TTC39B: variants seen among roughly 807,000 people sequenced by gnomAD.
TTC39B encodes the protein tetratricopeptide repeat protein 39B.
Under a neutral mutation model 96.6 loss-of-function variants are expected in TTC39B, and 92 were observed. That is an observed-to-expected ratio of 0.95 (90% CI 0.80 to 1.13). The LOEUF (loss-of-function observed/expected upper bound fraction) is 1.13, where lower values mean the gene tolerates loss of function less well. TTC39B is among the 50% of genes most tolerant of loss of function. The pLI is 0.00. For synonymous variants in TTC39B, 367 were observed against 299.4 expected, an observed-to-expected ratio of 1.23 and a Z score of -2.33; for missense variants, 955 against 809.3, an observed-to-expected ratio of 1.18 and a Z score of -2.18.
intron 1 of TTC39B, among the ~76,000 whole-genome samples, chr9:15,284,290 A>G (rs2131588921): frequency 6.6e-6 from 1 of 152,368 alleles, no homozygotes; most frequent in South Asian, 2.1e-4. Context: ...ATAAGCATAT[A>G]CTATCATTAC....
intron 3 of TTC39B, among the ~76,000 whole-genome samples, chr9:15,223,499 T>C (rs999332663): frequency 6.6e-6 from 1 of 152,200 alleles, no homozygotes; most frequent in Non-Finnish European, 1.5e-5. Flanking sequence ...AAATAGCTAG[T>C]TGTGGAATGA....
intron 2 of TTC39B, among the ~76,000 whole-genome samples, chr9:15,258,915 A>G (rs527466503): frequency 6.6e-6 from 1 of 152,290 alleles, no homozygotes; most frequent in East Asian, 1.9e-4. Flanking sequence ...TAGGATCTAT[A>G]TCTTAAAACG....
chr9:15,177,646 T>TC, intron 18 of TTC39B, 51 bp downstream of exon 18: 1 of 1,271,964 alleles, frequency 7.9e-7, no homozygotes, highest in Non-Finnish European at 1.1e-6. Context: ...TCACAGCAAT[T>TC]CCCCAGAAAC....
Position 15,301,454 on chromosome 9 carries a change from G to A in TTC39B, c.240+5630C>T, listed in dbSNP as rs1169529043. On this transcript the variant is annotated intron_variant, in intron 1 of 19. Transcript: ENST00000512701. ...GCCAGGCGTTCAATGAACGTTGGTG[G>A]AATGAAAGAATAAATCTCAGCTGGG... is the stretch of plus-strand genomic sequence containing the variant. Among the ~76,000 whole-genome samples, 4 of 152,288 alleles carry A rather than the reference G, an allele frequency of 2.6e-5. No homozygotes were observed. The South Asian group carries it at 6.2e-4, about 24-fold the overall frequency.
At chr9:15,267,986 T>C (rs1334136313) in intron 1 of TTC39B, 38 bp from the exon 2 acceptor site, 2 of 1,587,738 alleles carry the variant, frequency 1.3e-6, no homozygotes, top group Non-Finnish European at 1.7e-6. Flanking sequence ...TTCTCAAGAA[T>C]TCTCAATGGG....
chr9:15,265,360 T>A (rs928627581), intron 2 of TTC39B, among the ~76,000 whole-genome samples: 13 of 152,290 alleles, frequency 8.5e-5, no homozygotes, highest in African/African-American at 3.1e-4. Flanking sequence ...CGTCCTCCTC[T>A]GTGAGGTCTG....
chr9:15,186,854 C>T (rs1256307031), intron 15 of TTC39B, 90 bp downstream of exon 15: 1 of 1,185,364 alleles, frequency 8.4e-7, no homozygotes, highest in Non-Finnish European at 1.3e-6. Flanking sequence ...TGCCACCAGG[C>T]CCAGCTAATT....
chr9:15,198,620 C>CG (rs1277061368), intron 8 of TTC39B, among the ~76,000 whole-genome samples: 1 of 151,132 alleles, frequency 6.6e-6, no homozygotes, highest in East Asian at 1.9e-4. Flanking sequence ...AGAGCAACCA[C>CG]AAAAAAATTA....
intron 6 of TTC39B, among the ~76,000 whole-genome samples, chr9:15,207,027 C>T (rs1819902308): frequency 6.6e-6 from 1 of 152,160 alleles, no homozygotes; most frequent in African/African-American, 2.4e-5. Flanking sequence ...CAAGTTCCTC[C>T]TACACGCACT....
intron 2 of TTC39B, among the ~76,000 whole-genome samples, chr9:15,236,405 G>C (rs1224802193): frequency 6.6e-6 from 1 of 152,190 alleles, no homozygotes; most frequent in Admixed American, 6.5e-5. Flanking sequence ...GACATCACTA[G>C]ACAGATCATC....
At chr9:15,229,782 T>C (rs995360388) in intron 2 of TTC39B, among the ~76,000 whole-genome samples, 3 of 152,376 alleles carry the variant, frequency 2.0e-5, no homozygotes, top group Middle Eastern at 3.4e-3. Context: ...TTTATTATCA[T>C]GGCTTTCCGA....
chr9:15,256,318 C>A (rs1055938400), intron 2 of TTC39B, among the ~76,000 whole-genome samples: 3 of 152,260 alleles, frequency 2.0e-5, no homozygotes, highest in East Asian at 3.9e-4. Flanking sequence ...TTGGACCTTG[C>A]GGCCTACAAA....
intron 8 of TTC39B, among the ~76,000 whole-genome samples, chr9:15,198,656 C>T (rs114889149): frequency 0.012 from 1,874 of 151,130 alleles, 48 homozygotes; most frequent in African/African-American, 0.043. Flanking sequence ...AACAACAGTT[C>T]TAAAAATGTT....
intron 1 of TTC39B, among the ~76,000 whole-genome samples, chr9:15,305,019 T>C (rs1054087102): frequency 3.3e-5 from 5 of 152,022 alleles, no homozygotes; most frequent in Non-Finnish European, 5.9e-5. Flanking sequence ...CAATATCAAA[T>C]AAAGACTATC....
At chr9:15,187,008 T>C in exon 15 of TTC39B, 2 of 1,613,260 alleles carry the variant, frequency 1.2e-6, no homozygotes, top group African/African-American at 1.3e-5. Context: ...ATACTCAAAA[T>C]TGCTGCTTTC....
At chr9:15,176,508 G>A (rs1817945935) in intron 18 of TTC39B, among the ~76,000 whole-genome samples, 1 of 152,144 alleles carries the variant, frequency 6.6e-6, no homozygotes, top group South Asian at 2.1e-4. Context: ...GGGATCAGGT[G>A]GCCACGGATG....
At chr9:15,265,609 T>A (rs545047547) in intron 2 of TTC39B, among the ~76,000 whole-genome samples, 1 of 152,174 alleles carries the variant, frequency 6.6e-6, no homozygotes, top group Non-Finnish European at 1.5e-5. Flanking sequence ...AAAAATCACA[T>A]AAACAGATTA....
chr9:15,295,854 G>C (rs930859452), intron 1 of TTC39B, among the ~76,000 whole-genome samples: 5 of 152,146 alleles, frequency 3.3e-5, no homozygotes, highest in African/African-American at 1.2e-4. Flanking sequence ...ACCTGGTATG[G>C]GTCAATGAGC....
chr9:15,283,974 T>C (rs897151762), intron 1 of TTC39B, among the ~76,000 whole-genome samples: 1 of 152,074 alleles, frequency 6.6e-6, no homozygotes, highest in African/African-American at 2.4e-5. Context: ...AGTAAAAGAT[T>C]TTGCTACATA....
Sources: gnomAD v4.1 joint callset for allele counts (sites outside exome capture counted in the v4.1 genomes callset) on GRCh38, gnomAD v4.1.1 for gene constraint, MANE v1.5 for transcripts, NCBI Gene and HGNC (gene_info 2026-07-23, HGNC 2026-07-21) for gene names.